GRM7: variants seen among roughly 807,000 people sequenced by gnomAD.
The protein encoded by GRM7 is glutamate metabotropic receptor 7, also known as metabotropic glutamate receptor 7.
A neutral mutation model predicts 84.5 loss-of-function variants in GRM7; 35 were observed. That is an observed-to-expected ratio of 0.41 (90% CI 0.32 to 0.55). The LOEUF is 0.55. GRM7 is among the 20% of genes least tolerant of loss of function. The pLI is 0.19. For synonymous variants in GRM7, 487 were observed against 455.1 expected (o/e 1.07, Z -0.89); for missense variants, 1,003 against 1,194.6 (o/e 0.84, Z 2.36).
In GRM7 at chr3:6,861,238, C is replaced by G. The variant is rs1694742659; in HGVS notation, c.-151C>G. On this transcript the variant is annotated 5_prime_UTR_variant, in exon 1 of 10. Coordinates refer to ENST00000357716, the MANE Select transcript of GRM7 (RefSeq NM_000844.4). The surrounding 1 kb of genome is among the most constrained non-coding windows in gnomAD (Gnocchi z 6.4). ...GGCGCCGCGGGACCCCTCACCCTCT[C>G]TGGTCGCCCCTCCCCGGATTCCCCC... is the stretch of plus-strand genomic sequence containing the variant. The G allele has an allele frequency of 3.3e-6, 2 of 614,068 alleles. No individual in the cohort carries two copies. Among genetic ancestry groups the G allele is most frequent in the Admixed American group, 4.0e-5 (1 of 24,766 alleles). 38.0% of individuals were successfully genotyped at this position (614,068 alleles called of 1,614,324 possible).
chr3:7,212,412 G>A (rs1271290346), intron 2 of GRM7, among the ~76,000 whole-genome samples: 2 of 151,888 alleles, frequency 1.3e-5, no homozygotes, highest in East Asian at 3.9e-4. Context: ...TAGATATTAA[G>A]TCCAGTGATA....
At chr3:7,100,295 T>C (rs769128261) in intron 1 of GRM7, among the ~76,000 whole-genome samples, 2 of 151,690 alleles carry the variant, frequency 1.3e-5, no homozygotes, top group Non-Finnish European at 3.0e-5. Context: ...CTTGGTAATG[T>C]AGGATTGTCT....
At chr3:7,366,384 TA>T (rs1693895338) in intron 4 of GRM7, among the ~76,000 whole-genome samples, 1 of 151,950 alleles carries the variant, frequency 6.6e-6, no homozygotes, top group Non-Finnish European at 1.5e-5. Context: ...TCCAGGTTTT[TA>T]AAATTATAAT....
intron 8 of GRM7, among the ~76,000 whole-genome samples, chr3:7,592,269 G>T (rs199887706): frequency 6.6e-6 from 1 of 151,764 alleles, no homozygotes; most frequent in Non-Finnish European, 1.5e-5. Flanking sequence ...AAAAAAAAAA[G>T]CAGATAAGAG....
chr3:6,908,266 A>C (rs1486354125), intron 1 of GRM7, among the ~76,000 whole-genome samples: 1 of 152,220 alleles, frequency 6.6e-6, no homozygotes, highest in Admixed American at 6.5e-5. Flanking sequence ...CCAAGACAAC[A>C]ATCTGCTTAC....
intron 4 of GRM7, among the ~76,000 whole-genome samples, chr3:7,412,933 C>A (rs576502240): frequency 6.6e-6 from 1 of 152,132 alleles, no homozygotes; most frequent in African/African-American, 2.4e-5. Context: ...GTTCAGATTA[C>A]TTTTCTTCTT....
rs1241681717 is a variant in GRM7 at position 7,252,771 on chromosome 3, C to G, written c.737-45913C>G. 2.0e-5 allele frequency among the ~76,000 whole-genome samples: 3 copies of G among 148,000 alleles called. 1 individual carries two copies. The highest frequency in any genetic ancestry group is 4.5e-5 in the Non-Finnish European group (3 of 66,966). On this transcript the variant is annotated intron_variant, in intron 2 of 9. Coordinates refer to ENST00000357716, the MANE Select transcript of GRM7 (RefSeq NM_000844.4). ...TGGTGTGATCTCGGCTCACTGCAAC[C>G]TCTGCCTCCCGGGTTCAACTGATTT...
Position 7,545,374 on chromosome 3 carries a change from T to G in GRM7, c.1516-33048T>G, listed in dbSNP as rs577514965. ...TTAAAATGTAGGGTTTAACTCATCC[T>G]TGATCGGAACAATTCCAAGAGTCTA... On this transcript the variant is annotated intron_variant, in intron 7 of 9. Coordinates refer to ENST00000357716, the MANE Select transcript of GRM7 (RefSeq NM_000844.4). Among the ~76,000 whole-genome samples, 11 of 152,344 alleles carry G rather than the reference T, an allele frequency of 7.2e-5. No homozygotes were observed. In the East Asian group the frequency reaches 2.1e-3, roughly 29 times the overall value.
chr3:7,359,192 C>T (rs559892823), intron 4 of GRM7, among the ~76,000 whole-genome samples: 1 of 133,344 alleles, frequency 7.5e-6, no homozygotes, highest in Admixed American at 7.5e-5. Context: ...AACTTCTTTG[C>T]CTTTACCATT....
chr3:7,101,699 A>C (rs1699112681), intron 1 of GRM7, among the ~76,000 whole-genome samples: 2 of 150,110 alleles, frequency 1.3e-5, no homozygotes, highest in African/African-American at 4.9e-5. Flanking sequence ...CCTTTGACTA[A>C]ATTGTTTTCA....
At chr3:7,492,994 T>C (rs1447103276) in intron 7 of GRM7, among the ~76,000 whole-genome samples, 1 of 152,082 alleles carries the variant, frequency 6.6e-6, no homozygotes, top group East Asian at 1.9e-4. Flanking sequence ...TCCTGTTTCC[T>C]GTTACTGATT....
At chr3:7,024,622 A>T (rs979703300) in intron 1 of GRM7, among the ~76,000 whole-genome samples, 1 of 152,240 alleles carries the variant, frequency 6.6e-6, no homozygotes, top group Admixed American at 6.5e-5. Context: ...GTGTGACGAC[A>T]CATGACTTGG....
At chr3:7,340,124 C>G (rs966549431) in intron 4 of GRM7, among the ~76,000 whole-genome samples, 1 of 152,026 alleles carries the variant, frequency 6.6e-6, no homozygotes, top group African/African-American at 2.4e-5. Flanking sequence ...TTTAATATTT[C>G]TGTGAAATAA....
At chr3:7,146,745 A>G in intron 2 of GRM7, 77 bp downstream of exon 2, 1 of 953,622 alleles carries the variant, frequency 1.0e-6, no homozygotes, top group South Asian at 1.4e-5. Context: ...AAACTTCATT[A>G]AATAAACACT....
chr3:7,738,175 G>A (rs1288616731), intron 9 of GRM7, among the ~76,000 whole-genome samples: 3 of 152,076 alleles, frequency 2.0e-5, no homozygotes, highest in African/African-American at 4.8e-5. Context: ...AGGCTACAAC[G>A]AGTTCATTAT....
At chr3:7,224,014 G>A (rs1174298399) in intron 2 of GRM7, among the ~76,000 whole-genome samples, 1 of 152,216 alleles carries the variant, frequency 6.6e-6, no homozygotes, top group Non-Finnish European at 1.5e-5. Flanking sequence ...CCTATTGGAA[G>A]TCTCTCTGGT....
At position 7,343,167 on chromosome 3, in the gene GRM7, G is replaced by A. The variant is rs547869139; in HGVS notation, c.1033+36515G>A. On this transcript the variant is annotated intron_variant, in intron 4 of 9. Transcript: ENST00000357716. ...CATGTCTGACATGTGGCCCCCTTTAGCAGCAGAAGATGATAAGATTAAAGA... is the reference window on the plus strand; with the variant it reads ...CATGTCTGACATGTGGCCCCCTTTAACAGCAGAAGATGATAAGATTAAAGA... 5.3e-5 allele frequency among the ~76,000 whole-genome samples: 8 copies of A among 152,220 alleles called. No homozygotes were observed. The East Asian group carries it at 1.4e-3, about 26-fold the overall frequency.
chr3:7,565,652 T>C (rs1489102516), intron 7 of GRM7, among the ~76,000 whole-genome samples: 1 of 152,102 alleles, frequency 6.6e-6, no homozygotes, highest in African/African-American at 2.4e-5. Context: ...ATGAGAGCAA[T>C]GAAAAGTCAT....
At chr3:6,974,575 G>T (rs1693913189) in intron 1 of GRM7, among the ~76,000 whole-genome samples, 1 of 152,104 alleles carries the variant, frequency 6.6e-6, no homozygotes, top group African/African-American at 2.4e-5. Flanking sequence ...CCTCTTGTGA[G>T]GTAGGAAAAG....
Sources: gnomAD v4.1 joint callset for allele counts (sites outside exome capture counted in the v4.1 genomes callset) on GRCh38, gnomAD v4.1.1 for gene constraint, Gnocchi (gnomAD v3.1) non-coding constraint, MANE v1.5 for transcripts, NCBI Gene and HGNC (gene_info 2026-07-23, HGNC 2026-07-21) for gene names.